ERGIC2: variants seen among roughly 807,000 people sequenced by gnomAD.
The protein encoded by ERGIC2 is endoplasmic reticulum-Golgi intermediate compartment protein 2.
In ERGIC2, 31 loss-of-function variants were observed where a neutral mutation model predicts 52.5. The observed-to-expected ratio is 0.59, with a 90% CI of 0.44 to 0.80. ERGIC2 has a LOEUF of 0.80. Ranked by LOEUF, ERGIC2 falls within the 30% of genes least tolerant of loss-of-function variation. The pLI is 0.00. For missense variants in ERGIC2, 395 were observed against 455.2 expected, an observed-to-expected ratio of 0.87 and a Z score of 1.20; for synonymous variants, 129 against 140.6, an observed-to-expected ratio of 0.92 and a Z score of 0.58.
chr12:29,368,318 T>C, intron 3 of ERGIC2, 31 bp from the exon 4 acceptor site: 1 of 1,124,870 alleles, frequency 8.9e-7, no homozygotes, highest in Non-Finnish European at 1.3e-6. Context: ...CATTAGTACC[T>C]ACCAATTAAT....
chr12:29,368,057 G>GGAAA (rs1232790411), intron 4 of ERGIC2, among the ~76,000 whole-genome samples, 184 bp downstream of exon 4: 2 of 151,466 alleles, frequency 1.3e-5, no homozygotes, highest in Non-Finnish European at 3.0e-5. Flanking sequence ...TTCTCTTTAT[G>GGAAA]GAAAAGAAAC....
At chr12:29,363,835 G>GGA (rs1418020892) in intron 5 of ERGIC2, among the ~76,000 whole-genome samples, 1 of 129,568 alleles carries the variant, frequency 7.7e-6, no homozygotes, top group Admixed American at 7.5e-5. Flanking sequence ...TCATAAATGT[G>GGA]AAAAAAAAAA....
intron 8 of ERGIC2, among the ~76,000 whole-genome samples, chr12:29,352,388 C>A (rs1325909861): frequency 6.6e-6 from 1 of 152,164 alleles, no homozygotes; most frequent in Non-Finnish European, 1.5e-5. Context: ...CATGTCTGGG[C>A]AAGGTGGCTC....
chr12:29,371,137 A>G (rs1591999411), intron 2 of ERGIC2, among the ~76,000 whole-genome samples: 1 of 152,160 alleles, frequency 6.6e-6, no homozygotes, highest in East Asian at 1.9e-4. Flanking sequence ...CACTGGGTCT[A>G]AGCATTTTAT....
At chr12:29,376,230 C>T (rs1940512801) in intron 1 of ERGIC2, among the ~76,000 whole-genome samples, 1 of 152,170 alleles carries the variant, frequency 6.6e-6, no homozygotes, top group Non-Finnish European at 1.5e-5. Context: ...AGGCACAGAA[C>T]TGTCAAATAA....
chr12:29,375,230 T>A (rs1940498991), intron 1 of ERGIC2, among the ~76,000 whole-genome samples: 1 of 152,214 alleles, frequency 6.6e-6, no homozygotes, highest in African/African-American at 2.4e-5. Context: ...GTCTATCTGC[T>A]TCTAGAACGT....
At chr12:29,370,331 T>A in intron 2 of ERGIC2, 109 bp from the exon 3 acceptor site, 8 of 1,247,128 alleles carry the variant, frequency 6.4e-6, no homozygotes, top group Non-Finnish European at 8.5e-6. Context: ...AGCCTAATAA[T>A]GTAACTTCCA....
At chr12:29,364,223 A>G (rs1049391891) in intron 5 of ERGIC2, among the ~76,000 whole-genome samples, 6 of 152,124 alleles carry the variant, frequency 3.9e-5, no homozygotes, top group Middle Eastern at 3.2e-3. Context: ...AATCCATAAA[A>G]CATACCTACA....
At chr12:29,380,274 A>G (rs1414596011) in intron 1 of ERGIC2, among the ~76,000 whole-genome samples, 1 of 152,180 alleles carries the variant, frequency 6.6e-6, no homozygotes, top group East Asian at 1.9e-4. Context: ...CTGGAGTCCA[A>G]TGTATCAGGC....
chr12:29,354,689 CCTCT>C (rs1261288985), intron 8 of ERGIC2, among the ~76,000 whole-genome samples: 3 of 152,168 alleles, frequency 2.0e-5, no homozygotes, highest in African/African-American at 7.2e-5. Flanking sequence ...TTCTATTTGG[CCTCT>C]CTGATAGTGT....
intron 12 of ERGIC2, among the ~76,000 whole-genome samples, chr12:29,342,379 C>A (rs1195074260): frequency 2.0e-5 from 3 of 152,100 alleles, no homozygotes; most frequent in Admixed American, 6.5e-5. Flanking sequence ...ATGTCAACAA[C>A]ACAAATTTAA....
At position 29,361,640 on chromosome 12, in the gene ERGIC2, A is replaced by C. The variant is rs761852755; in HGVS notation, c.374+5T>G. On this transcript the variant is annotated splice_donor_5th_base_variant and intron_variant, in intron 6 of 13. Transcript: ENST00000360150. ...ATGGACCACAATACTTTGTTCTCTT[A>C]TTACCTCTGCCACTCTTTCTGCTGT... 1 of 1,604,782 alleles carries C rather than the reference A, an allele frequency of 6.2e-7. No individual in the cohort carries two copies. Among genetic ancestry groups the C allele is most frequent in the African/African-American group, 1.3e-5 (1 of 74,680 alleles).
chr12:29,371,222 CAG>C (rs1028926484), intron 2 of ERGIC2, among the ~76,000 whole-genome samples: 9 of 152,150 alleles, frequency 5.9e-5, no homozygotes, highest in African/African-American at 2.2e-4. Flanking sequence ...GAAACTAAGA[CAG>C]ATAGATTTGA....
At chr12:29,359,043 G>C (rs1940247811) in intron 6 of ERGIC2, among the ~76,000 whole-genome samples, 1 of 152,074 alleles carries the variant, frequency 6.6e-6, no homozygotes, top group Non-Finnish European at 1.5e-5. Flanking sequence ...CACCAACTGA[G>C]AGAAAATTTA....
chr12:29,368,123 TAAAACTTTAAAATATTATAAAGGA>T, intron 4 of ERGIC2, 94 bp downstream of exon 4: 1 of 683,362 alleles, frequency 1.5e-6, no homozygotes, highest in Non-Finnish European at 2.6e-6. Context: ...AATACCACAG[TAAAACTTTAAAATATTATAAAGGA>T]AAAATAAAGT....
intron 11 of ERGIC2, 45 bp from the exon 12 acceptor site, chr12:29,343,327 A>T: frequency 6.7e-7 from 1 of 1,489,144 alleles, no homozygotes; most frequent in Non-Finnish European, 9.1e-7. Context: ...AGGAAGAGAG[A>T]AACAGAATTC....
chr12:29,345,842 G>A (rs947720469), intron 10 of ERGIC2, among the ~76,000 whole-genome samples: 11 of 152,056 alleles, frequency 7.2e-5, no homozygotes, highest in African/African-American at 2.7e-4. Context: ...AGCTGTTCAG[G>A]AGGCTGAGGC....
chr12:29,339,154 G>T lies in ERGIC2; in HGVS notation c.*2002C>A, dbSNP rs992671501. 1.3e-5 allele frequency: 2 copies of T among 152,010 alleles called. No individual in the cohort carries two copies. The highest frequency in any genetic ancestry group is 2.4e-5 in the African/African-American group (1 of 41,394). The allele number at this position is 152,010 out of a possible 1,614,324, so 9.4% of individuals were successfully genotyped here. A position where few individuals can be genotyped will look rare whatever the true frequency, so the allele number is the denominator to read the frequency against. On this transcript the variant is annotated 3_prime_UTR_variant, in exon 14 of 14. Transcript: ENST00000360150. Reference sequence around the variant, plus strand: ...TTAACTTTTAAAATGGAAATCAAAGGCAAAGCAGAATTTTGCTTTAAAGAA... The same window carrying T: ...TTAACTTTTAAAATGGAAATCAAAGTCAAAGCAGAATTTTGCTTTAAAGAA...
At chr12:29,372,619 T>C (rs547076328) in intron 1 of ERGIC2, 61 of 152,230 alleles carry the variant, frequency 4.0e-4, no homozygotes, top group Non-Finnish European at 5.7e-4. Flanking sequence ...AATGTACAAA[T>C]TAAGGTGAAG....
Sources: gnomAD v4.1 joint callset for allele counts (sites outside exome capture counted in the v4.1 genomes callset) on GRCh38, gnomAD v4.1.1 for gene constraint, MANE v1.5 for transcripts, NCBI Gene and HGNC (gene_info 2026-07-23, HGNC 2026-07-21) for gene names.